Variants in SLC25A21 observed in about 807,000 individuals in gnomAD.
SLC25A21 encodes the protein mitochondrial 2-oxodicarboxylate carrier.
A neutral mutation model predicts 43.8 loss-of-function variants in SLC25A21; 47 were observed. The ratio of observed to expected loss-of-function variants is 1.07; its 90% CI spans 0.85 to 1.37. SLC25A21 has a LOEUF of 1.37. SLC25A21 is among the 40% of genes most tolerant of loss of function. The pLI, the probability that SLC25A21 is intolerant of heterozygous loss-of-function variation, is 0.00. For missense variants in SLC25A21, 352 were observed against 350.2 expected, an observed-to-expected ratio of 1.00 and a Z score of -0.04; for synonymous variants, 131 against 121.3, an observed-to-expected ratio of 1.08 and a Z score of -0.52.
intron 1 of SLC25A21, among the ~76,000 whole-genome samples, chr14:37,123,494 T>C (rs941131915): frequency 3.3e-5 from 5 of 152,184 alleles, no homozygotes; most frequent in African/African-American, 1.2e-4. Flanking sequence ...CTTCACATTT[T>C]CCCATTTAAT....
chr14:36,973,086 C>T (rs1959789981), intron 1 of SLC25A21, among the ~76,000 whole-genome samples: 1 of 147,818 alleles, frequency 6.8e-6, no homozygotes, highest in African/African-American at 2.5e-5. Context: ...CTATGTTTTC[C>T]AGGCTTGCAA....
At chr14:37,157,514 T>C (rs1312215014) in intron 1 of SLC25A21, among the ~76,000 whole-genome samples, 3 of 152,022 alleles carry the variant, frequency 2.0e-5, no homozygotes, top group African/African-American at 2.4e-5. Context: ...ATAATTAAGA[T>C]GGAAATGGAA....
intron 1 of SLC25A21, among the ~76,000 whole-genome samples, chr14:37,107,746 G>C (rs1483741157): frequency 2.0e-5 from 3 of 152,050 alleles, no homozygotes; most frequent in Non-Finnish European, 4.4e-5. Context: ...ACAAATAAAG[G>C]CTCCAAGATT....
At chr14:36,740,312 C>A (rs1014395146) in intron 3 of SLC25A21, among the ~76,000 whole-genome samples, 1 of 152,056 alleles carries the variant, frequency 6.6e-6, no homozygotes, top group Non-Finnish European at 1.5e-5. Context: ...GAACCCCTTA[C>A]CACAGATGGA....
intron 1 of SLC25A21, among the ~76,000 whole-genome samples, chr14:36,910,010 T>C (rs1891640830): frequency 1.3e-5 from 2 of 152,176 alleles, no homozygotes; most frequent in South Asian, 4.1e-4. Context: ...ACATGACACT[T>C]GTAATCATGA....
In SLC25A21 at chr14:36,964,937, G is replaced by A. The variant is rs182392747; in HGVS notation, c.71-89933C>T. On this transcript the variant is annotated intron_variant, in intron 1 of 9. Transcript: ENST00000331299. The stretch of plus-strand genomic sequence containing the variant: ...ATTTAGTTTTTTTTCCCTCTATATG[G>A]ATTTTTATATAAATAGATGATAAAC... Among the ~76,000 whole-genome samples, 1,412 of 152,020 alleles carry A rather than the reference G, an allele frequency of 9.3e-3. 19 individuals carry two copies. The highest frequency in any genetic ancestry group is 0.032 in the African/African-American group (1,329 of 41,464).
chr14:36,952,857 G>C (rs1409866350), intron 1 of SLC25A21, among the ~76,000 whole-genome samples: 1 of 152,208 alleles, frequency 6.6e-6, no homozygotes, highest in Non-Finnish European at 1.5e-5. Context: ...AAGTTGTCAT[G>C]TTTCAGGAAT....
At chr14:36,975,281 C>T (rs891472971) in intron 1 of SLC25A21, among the ~76,000 whole-genome samples, 3 of 152,140 alleles carry the variant, frequency 2.0e-5, no homozygotes, top group Admixed American at 6.6e-5. Flanking sequence ...CATTGATGGG[C>T]GTTTGAGCTG....
At position 37,128,538 on chromosome 14, in the gene SLC25A21, CTG is replaced by C. The variant is rs367948974; in HGVS notation, c.70+43741_70+43742del. Among the ~76,000 whole-genome samples the C allele has an allele frequency of 5.4e-3, 667 of 122,770 alleles. 5 individuals carry two copies. Among genetic ancestry groups the C allele is most frequent in the African/African-American group, 0.013 (409 of 31,642 alleles). 80.5% of individuals were successfully genotyped at this position (122,770 alleles called of 152,430 possible). On this transcript the variant is annotated intron_variant, in intron 1 of 9. Transcript: ENST00000331299. ...ACTTTCTGTCTCTCTCTCTCTCTCT[CTG>C]TGTGTGTGTGTGTGTGTGTGTGTGT...
At chr14:36,812,798 A>T (rs1258948767) in intron 3 of SLC25A21, among the ~76,000 whole-genome samples, 2 of 152,144 alleles carry the variant, frequency 1.3e-5, no homozygotes, top group African/African-American at 2.4e-5. Context: ...AGGGTCAAGC[A>T]GACCTAGATT....
chr14:37,128,552 G>C (rs1014815152), intron 1 of SLC25A21, among the ~76,000 whole-genome samples: 58 of 149,836 alleles, frequency 3.9e-4, no homozygotes, highest in African/African-American at 2.9e-4. Flanking sequence ...GTGTGTGTGT[G>C]TGTGTGTGTG....
intron 1 of SLC25A21, among the ~76,000 whole-genome samples, chr14:36,893,090 T>C (rs1297610865): frequency 1.3e-5 from 2 of 152,186 alleles, no homozygotes; most frequent in Non-Finnish European, 2.9e-5. Context: ...GGTCAAATGG[T>C]ATTTCTAGTT....
rs141838879 is a variant in SLC25A21 at position 37,133,031 on chromosome 14, C to T, written c.70+39250G>A. Among the ~76,000 whole-genome samples, 12 of 152,164 alleles carry T rather than the reference C, an allele frequency of 7.9e-5. No individual in the cohort carries two copies. The East Asian group carries it at 2.3e-3, about 29-fold the overall frequency. ...AGGCATGACCCAGATAGCTATGATTCTTAACAGGGCTATGAATGGGGGGAT... is the reference window on the plus strand; with the variant it reads ...AGGCATGACCCAGATAGCTATGATTTTTAACAGGGCTATGAATGGGGGGAT... On this transcript the variant is annotated intron_variant, in intron 1 of 9. Coordinates refer to ENST00000331299, the MANE Select transcript of SLC25A21 (RefSeq NM_030631.4).
intron 3 of SLC25A21, among the ~76,000 whole-genome samples, chr14:36,760,449 G>A (rs1886109078): frequency 6.6e-6 from 1 of 152,088 alleles, no homozygotes. Context: ...TTATTGCTCT[G>A]TCTTAGGTAG....
chr14:37,077,071 A>T (rs555290866), intron 1 of SLC25A21, among the ~76,000 whole-genome samples: 1 of 152,350 alleles, frequency 6.6e-6, no homozygotes, highest in African/African-American at 2.4e-5. Context: ...GACCTAATCA[A>T]ATAGATATCT....
At chr14:36,909,935 AACTGT>A (rs1410294077) in intron 1 of SLC25A21, among the ~76,000 whole-genome samples, 2 of 152,156 alleles carry the variant, frequency 1.3e-5, no homozygotes, top group Non-Finnish European at 2.9e-5. Context: ...CATTCCAAAG[AACTGT>A]AGTTTATTAG....
intron 2 of SLC25A21, among the ~76,000 whole-genome samples, chr14:36,846,485 G>A (rs1024933200): frequency 1.3e-5 from 2 of 151,944 alleles, no homozygotes; most frequent in African/African-American, 4.8e-5. Context: ...GGGTTCAGGC[G>A]ATTCTCCTGC....
chr14:37,120,513 G>C (rs1304469138), intron 1 of SLC25A21, among the ~76,000 whole-genome samples: 2 of 152,154 alleles, frequency 1.3e-5, no homozygotes, highest in African/African-American at 2.4e-5. Flanking sequence ...TCCAGAGTTA[G>C]AAAGAAAGAA....
At chr14:36,846,646 T>C (rs1298986555) in intron 2 of SLC25A21, among the ~76,000 whole-genome samples, 1 of 152,176 alleles carries the variant, frequency 6.6e-6, no homozygotes, top group African/African-American at 2.4e-5. Context: ...CCTCCCAAAG[T>C]GCTGGAATTA....
Sources: allele counts gnomAD v4.1 joint callset (sites outside exome capture counted in the v4.1 genomes callset), GRCh38; gene constraint gnomAD v4.1.1; transcripts MANE v1.5; gene names NCBI Gene and HGNC (gene_info 2026-07-23, HGNC 2026-07-21).